Variants in PDZRN4 observed in about 807,000 individuals in gnomAD.
PDZRN4 encodes PDZ domain containing ring finger 4.
Under a neutral mutation model 99.0 loss-of-function variants are expected in PDZRN4, and 70 were observed. The observed-to-expected ratio is 0.71, with a 90% CI of 0.58 to 0.86. The LOEUF (loss-of-function observed/expected upper bound fraction) is 0.86. PDZRN4 is among the 40% of genes least tolerant of loss of function. PDZRN4 has a pLI of 0.00. For synonymous variants in PDZRN4, 551 were observed against 501.6 expected (o/e 1.10, Z -1.32); for missense variants, 1,474 against 1,331.2 (o/e 1.11, Z -1.67).
At chr12:41,548,086 T>C (rs1177153498) in intron 5 of PDZRN4, among the ~76,000 whole-genome samples, 1 of 152,246 alleles carries the variant, frequency 6.6e-6, no homozygotes. Context: ...CTTATGTCTC[T>C]ACAGAAATGT....
At chr12:41,529,945 C>CGGTG (rs138231704) in intron 5 of PDZRN4, among the ~76,000 whole-genome samples, 2,952 of 152,286 alleles carry the variant, frequency 0.019, 80 homozygotes, top group African/African-American at 0.064. Context: ...GCCCAGATCA[C>CGGTG]GGTGTAATGC....
rs565305003 is a variant in PDZRN4 at position 41,493,833 on chromosome 12, G to A, written c.844-12623G>A. ...TTTACCTCAAAGGTGGCCTAGGCTGGAAAATTGGCAGGCACTAAGTCACCT... is the reference window on the plus strand; with the variant it reads ...TTTACCTCAAAGGTGGCCTAGGCTGAAAAATTGGCAGGCACTAAGTCACCT... On this transcript the variant is annotated intron_variant, in intron 3 of 9. Transcript: ENST00000402685. Among the ~76,000 whole-genome samples the A allele has an allele frequency of 3.3e-5, 5 of 149,526 alleles. No homozygotes were observed. The East Asian group carries it at 1.0e-3, about 30-fold the overall frequency.
At chr12:41,568,094 C>T (rs1939409724) in intron 9 of PDZRN4, among the ~76,000 whole-genome samples, 195 bp downstream of exon 9, 1 of 152,012 alleles carries the variant, frequency 6.6e-6, no homozygotes, top group Non-Finnish European at 1.5e-5. Flanking sequence ...AGAATATATC[C>T]AGTTTGGGAA....
At chr12:41,404,634 C>T (rs1261264814) in intron 3 of PDZRN4, among the ~76,000 whole-genome samples, 1 of 151,900 alleles carries the variant, frequency 6.6e-6, no homozygotes, top group East Asian at 1.9e-4. Context: ...CAATATCATT[C>T]TTCACAGAAC....
rs1565592637 is a variant in PDZRN4 at position 41,474,975 on chromosome 12, A to G, written c.844-31481A>G. On this transcript the variant is annotated intron_variant, in intron 3 of 9. Transcript: ENST00000402685. ...ATTTTGTGCCCAGGCTGGAAAATGC[A>G]AGTAGAACTATCTAGAGAATTACTG... Among the ~76,000 whole-genome samples, 3 of 152,328 alleles carry G rather than the reference A, an allele frequency of 2.0e-5. No homozygotes were observed. In the South Asian group the frequency reaches 6.2e-4, roughly 32 times the overall value.
At chr12:41,445,618 A>G (rs1424104335) in intron 3 of PDZRN4, among the ~76,000 whole-genome samples, 1 of 152,026 alleles carries the variant, frequency 6.6e-6, no homozygotes, top group Non-Finnish European at 1.5e-5. Flanking sequence ...TAGTCACTCA[A>G]AAGAGGTCCC....
At chr12:41,476,759 A>G (rs994830453) in intron 3 of PDZRN4, among the ~76,000 whole-genome samples, 5 of 152,230 alleles carry the variant, frequency 3.3e-5, no homozygotes, top group Non-Finnish European at 7.3e-5. Context: ...CCACCTGATA[A>G]TGATGGTGGT....
At chr12:41,289,401 CA>C (rs1951441954) in intron 3 of PDZRN4, among the ~76,000 whole-genome samples, 1 of 152,080 alleles carries the variant, frequency 6.6e-6, no homozygotes, top group South Asian at 2.1e-4. Context: ...GATTTTCATA[CA>C]AAAGACTCTG....
intron 3 of PDZRN4, among the ~76,000 whole-genome samples, chr12:41,195,233 T>C (rs1950763426): frequency 6.6e-6 from 1 of 152,206 alleles, no homozygotes; most frequent in South Asian, 2.1e-4. Flanking sequence ...GTTAAGTTAC[T>C]TTTATCAGTG....
At chr12:41,233,381 G>A (rs1013674123) in intron 3 of PDZRN4, among the ~76,000 whole-genome samples, 8 of 152,206 alleles carry the variant, frequency 5.3e-5, no homozygotes, top group Middle Eastern at 3.4e-3. Context: ...TCAGTGTGGC[G>A]ATTCCTCAGG....
chr12:41,357,529 A>G (rs1951936324), intron 3 of PDZRN4, among the ~76,000 whole-genome samples: 1 of 151,986 alleles, frequency 6.6e-6, no homozygotes, highest in Non-Finnish European at 1.5e-5. Flanking sequence ...GATGAACACA[A>G]TGAGCATGGT....
At chr12:41,196,895 A>T (rs1026789454) in intron 3 of PDZRN4, among the ~76,000 whole-genome samples, 5 of 152,048 alleles carry the variant, frequency 3.3e-5, no homozygotes, top group Admixed American at 3.3e-4. Flanking sequence ...CAATTTTTGA[A>T]TTTCAAATGG....
chr12:41,305,570 G>T (rs868677454), intron 3 of PDZRN4, among the ~76,000 whole-genome samples: 15 of 152,042 alleles, frequency 9.9e-5, no homozygotes, highest in Admixed American at 1.3e-4. Context: ...GGTAGTGAGG[G>T]AGAGAGGTCT....
intron 3 of PDZRN4, among the ~76,000 whole-genome samples, chr12:41,281,870 A>G (rs182176362): frequency 6.6e-6 from 1 of 152,172 alleles, no homozygotes; most frequent in East Asian, 1.9e-4. Context: ...CTCCTGAAGA[A>G]AGCACTAAAT....
intron 3 of PDZRN4, among the ~76,000 whole-genome samples, chr12:41,333,171 C>G (rs895490389): frequency 2.0e-5 from 3 of 152,228 alleles, no homozygotes; most frequent in African/African-American, 7.2e-5. Context: ...AATATGTTCA[C>G]TGAGTTTCAG....
At chr12:41,489,006 C>G (rs868382579) in intron 3 of PDZRN4, among the ~76,000 whole-genome samples, 1 of 152,166 alleles carries the variant, frequency 6.6e-6, no homozygotes, top group African/African-American at 2.4e-5. Flanking sequence ...CGGCCCAGGA[C>G]AGCTTTGAAA....
chr12:41,552,799 A>G (rs1469213550), intron 6 of PDZRN4, 45 bp downstream of exon 6: 5 of 1,431,564 alleles, frequency 3.5e-6, no homozygotes, highest in Non-Finnish European at 4.9e-6. Flanking sequence ...GAGACTAGGA[A>G]GAACAGAGCG....
chr12:41,426,440 A>G (rs964297648), intron 3 of PDZRN4, among the ~76,000 whole-genome samples: 1 of 152,198 alleles, frequency 6.6e-6, no homozygotes, highest in Non-Finnish European at 1.5e-5. Context: ...CTCTTCATTC[A>G]TGGCATGCAG....
chr12:41,564,252 T>C (rs1467424881), intron 8 of PDZRN4, among the ~76,000 whole-genome samples: 1 of 152,230 alleles, frequency 6.6e-6, no homozygotes, highest in Non-Finnish European at 1.5e-5. Flanking sequence ...TTTCCAAGTT[T>C]AGTGTGACCA....
Sources: allele counts gnomAD v4.1 joint callset (sites outside exome capture counted in the v4.1 genomes callset), GRCh38; gene constraint gnomAD v4.1.1; transcripts MANE v1.5; gene names NCBI Gene and HGNC (gene_info 2026-07-23, HGNC 2026-07-21).